HDAC9: variants seen among roughly 807,000 people sequenced by gnomAD.
The protein encoded by HDAC9 is histone deacetylase 9, also known as MEF-2 interacting transcription repressor (MITR) protein.
HDAC9 carries 41 observed loss-of-function variants against 139.4 expected under a neutral mutation model. The ratio of observed to expected loss-of-function variants is 0.29; its 90% CI spans 0.23 to 0.38. The LOEUF (loss-of-function observed/expected upper bound fraction) is 0.38. Ranked by LOEUF, HDAC9 falls within the 10% of genes least tolerant of loss-of-function variation. HDAC9 has a pLI of 1.00. For missense variants in HDAC9, 1,147 were observed against 1,297.0 expected, an observed-to-expected ratio of 0.88 and a Z score of 1.78; for synonymous variants, 517 against 476.2, an observed-to-expected ratio of 1.09 and a Z score of -1.12.
chr7:18,140,927 A>G (rs1395887502), intron 1 of HDAC9, among the ~76,000 whole-genome samples: 1 of 150,532 alleles, frequency 6.6e-6, no homozygotes, highest in Non-Finnish European at 1.5e-5. Flanking sequence ...TTTTTTTTAA[A>G]GAGAGTGTCT....
At chr7:18,668,356 C>A (rs762476211) in intron 12 of HDAC9, 1 of 935,632 alleles carries the variant, frequency 1.1e-6, no homozygotes, top group Non-Finnish European at 1.3e-6. Context: ...ATATGGCATG[C>A]CTAAGATAAA....
intron 2 of HDAC9, among the ~76,000 whole-genome samples, chr7:18,547,155 C>T (rs1380902328): frequency 6.6e-6 from 1 of 152,140 alleles, no homozygotes; most frequent in Non-Finnish European, 1.5e-5. Context: ...ACCTTTTTTG[C>T]TGGCTGAGGG....
intron 2 of HDAC9, among the ~76,000 whole-genome samples, chr7:18,283,962 G>A (rs369644611): frequency 6.6e-6 from 1 of 152,256 alleles, no homozygotes; most frequent in African/African-American, 2.4e-5. Context: ...GAAAAAGTTA[G>A]AAAGGAGATC....
chr7:18,747,047 G>A (rs1788036293), intron 13 of HDAC9, among the ~76,000 whole-genome samples: 1 of 152,126 alleles, frequency 6.6e-6, no homozygotes, highest in South Asian at 2.1e-4. Flanking sequence ...AGAATTTCCG[G>A]CATAGAGGGA....
intron 22 of HDAC9, among the ~76,000 whole-genome samples, chr7:18,896,734 G>A (rs1230693682): frequency 6.6e-6 from 1 of 151,980 alleles, no homozygotes; most frequent in African/African-American, 2.4e-5. Flanking sequence ...TTGTGCAAAA[G>A]CCATTTTGTT....
rs558468703 is a variant in HDAC9, at chr7:18,952,781, CA to C, written c.2938-1364del. 1.1e-3 allele frequency among the ~76,000 whole-genome samples: 170 copies of C among 150,500 alleles called. 1 individual carries two copies. Among genetic ancestry groups the C allele is most frequent in the African/African-American group, 4.1e-3 (167 of 41,114 alleles). On this transcript the variant is annotated intron_variant, in intron 23 of 25. Transcript: ENST00000686413. The stretch of plus-strand genomic sequence containing the variant: ...TTTAACAAGTTTTAAGAGTTTATTT[CA>C]GAACCTTGTACTGCCACAGAGCGGT...
At chr7:18,460,119 T>C (rs1489160828) in intron 1 of HDAC9, among the ~76,000 whole-genome samples, 4 of 151,962 alleles carry the variant, frequency 2.6e-5, no homozygotes, top group East Asian at 1.9e-4. Context: ...CAGGATGTCA[T>C]TGTGTTGTCC....
chr7:18,179,569 C>T (rs1037928924), intron 2 of HDAC9, among the ~76,000 whole-genome samples: 5 of 152,084 alleles, frequency 3.3e-5, no homozygotes, highest in Non-Finnish European at 5.9e-5. Context: ...CTCTACCCTC[C>T]CTCTCCTAAG....
At chr7:18,440,021 C>A (rs1430216394) in intron 1 of HDAC9, among the ~76,000 whole-genome samples, 2 of 151,896 alleles carry the variant, frequency 1.3e-5, no homozygotes, top group African/African-American at 4.8e-5. Flanking sequence ...ATCATTGTAC[C>A]CACTCTTAAT....
chr7:18,254,171 A>T (rs1052846496), intron 2 of HDAC9, among the ~76,000 whole-genome samples: 1 of 152,250 alleles, frequency 6.6e-6, no homozygotes, highest in African/African-American at 2.4e-5. Flanking sequence ...AAATTGGTGA[A>T]TTTGGAAGCA....
intron 1 of HDAC9, among the ~76,000 whole-genome samples, chr7:18,448,263 G>T (rs1043349058): frequency 3.9e-5 from 6 of 152,184 alleles, no homozygotes; most frequent in Non-Finnish European, 5.9e-5. Context: ...ATTCTGTATA[G>T]CTACATGAAG....
At chr7:18,874,148 A>T (rs1799139260) in intron 21 of HDAC9, among the ~76,000 whole-genome samples, 1 of 152,016 alleles carries the variant, frequency 6.6e-6, no homozygotes, top group Admixed American at 6.6e-5. Flanking sequence ...ACTCCCTTGG[A>T]AGAAGCAGTT....
intron 21 of HDAC9, among the ~76,000 whole-genome samples, chr7:18,857,196 CTTTTT>C: frequency 6.6e-6 from 1 of 151,442 alleles, no homozygotes; most frequent in East Asian, 1.9e-4. Flanking sequence ...AATTGCTTCT[CTTTTT>C]TTATTTTTTT....
In HDAC9 at chr7:18,949,610, G is replaced by C. The variant is rs138397131; in HGVS notation, c.2938-4536G>C. The C allele has an allele frequency of 4.7e-4, 81 of 171,088 alleles. No homozygotes were observed. In the East Asian group the frequency reaches 0.013, roughly 28 times the overall value. The allele number at this position is 171,088 out of a possible 1,614,324, so 10.6% of individuals were successfully genotyped here. On this transcript the variant is annotated intron_variant, in intron 23 of 25. Coordinates refer to ENST00000686413, the MANE Select transcript of HDAC9 (RefSeq NM_178425.4). ...GATGTGCAATTCATCATAGGTACCA[G>C]CTCCTGAACTGGCCATTCTTAAAGA...
At chr7:18,494,354 G>C (rs917376051), upstream of HDAC9, among the ~76,000 whole-genome samples, 6 of 151,978 alleles carry the variant, frequency 3.9e-5, no homozygotes, top group African/African-American at 1.4e-4. Flanking sequence ...TGCCCCCTCT[G>C]ACTTCATACT....
intron 1 of HDAC9, among the ~76,000 whole-genome samples, chr7:18,098,514 G>A (rs573518829): frequency 6.6e-6 from 1 of 152,268 alleles, no homozygotes; most frequent in Admixed American, 6.5e-5. Flanking sequence ...ATGGAAGCTT[G>A]CCTTTTGTTC....
chr7:18,358,867 G>A (rs540190226), intron 1 of HDAC9, among the ~76,000 whole-genome samples: 5 of 152,314 alleles, frequency 3.3e-5, no homozygotes, highest in Admixed American at 2.6e-4. Flanking sequence ...GAAGAATGTG[G>A]TGAGGATTAT....
At chr7:18,950,032 C>T (rs1174096895) in intron 23 of HDAC9, among the ~76,000 whole-genome samples, 2 of 152,076 alleles carry the variant, frequency 1.3e-5, no homozygotes, top group African/African-American at 4.8e-5. Flanking sequence ...TAACAAACAT[C>T]TAAATAAATT....
chr7:18,589,112 T>G (rs1192122869), intron 3 of HDAC9, among the ~76,000 whole-genome samples: 1 of 152,160 alleles, frequency 6.6e-6, no homozygotes, highest in Non-Finnish European at 1.5e-5. Flanking sequence ...TCTACTAATG[T>G]CAGAACCTAA....
Sources: gnomAD v4.1 joint callset for allele counts (sites outside exome capture counted in the v4.1 genomes callset) on GRCh38, gnomAD v4.1.1 for gene constraint, MANE v1.5 for transcripts, NCBI Gene and HGNC (gene_info 2026-07-23, HGNC 2026-07-21) for gene names.